Variants in SRPK2 observed in about 807,000 individuals in gnomAD.
SRPK2 encodes SFRS protein kinase 2.
SRPK2 carries 21 observed loss-of-function variants against 90.8 expected under a neutral mutation model. That is an observed-to-expected ratio of 0.23 (90% CI 0.16 to 0.33). The LOEUF is 0.33. SRPK2 is among the 10% of genes least tolerant of loss of function. SRPK2 has a pLI of 1.00. For missense variants in SRPK2, 620 were observed against 869.0 expected (o/e 0.71, Z 3.60); for synonymous variants, 288 against 311.1 (o/e 0.93, Z 0.78).
At chr7:105,258,623 C>A (rs141611948) in intron 2 of SRPK2, among the ~76,000 whole-genome samples, 1 of 151,978 alleles carries the variant, frequency 6.6e-6, no homozygotes, top group Non-Finnish European at 1.5e-5. Flanking sequence ...AACACTGATG[C>A]GAAAATCCTC....
At chr7:105,245,298 G>C (rs1304221639) in intron 2 of SRPK2, among the ~76,000 whole-genome samples, 4 of 152,132 alleles carry the variant, frequency 2.6e-5, no homozygotes, top group Admixed American at 2.6e-4. Context: ...CAGTGGGATG[G>C]TAAGGGCAGC....
At chr7:105,376,401 T>C (rs1020413324) in intron 2 of SRPK2, among the ~76,000 whole-genome samples, 2 of 151,746 alleles carry the variant, frequency 1.3e-5, no homozygotes, top group African/African-American at 4.8e-5. Context: ...CCCCATCCCA[T>C]CCCTATCCAT....
chr7:105,359,714 C>G (rs1818213343), intron 2 of SRPK2, among the ~76,000 whole-genome samples: 2 of 152,262 alleles, frequency 1.3e-5, no homozygotes, highest in African/African-American at 4.8e-5. Flanking sequence ...TTCTCACAAT[C>G]CACATCTGGA....
intron 3 of SRPK2, among the ~76,000 whole-genome samples, chr7:105,196,138 T>C (rs1480850829): frequency 1.3e-5 from 2 of 152,230 alleles, no homozygotes; most frequent in Admixed American, 6.5e-5. Context: ...TTGGTCTCCA[T>C]AAAAGAAATG....
chr7:105,228,617 G>C (rs1799020942), intron 2 of SRPK2, among the ~76,000 whole-genome samples: 1 of 151,376 alleles, frequency 6.6e-6, no homozygotes, highest in Non-Finnish European at 1.5e-5. Flanking sequence ...GCGGAACTAA[G>C]AGAGCAGTGT....
rs749102424 is a variant in SRPK2, at chr7:105,350,128, A to ATT, written c.71+38518_71+38519dup. Among the ~76,000 whole-genome samples, 63 of 133,610 alleles carry ATT rather than the reference A, an allele frequency of 4.7e-4. 1 individual carries two copies. Among genetic ancestry groups the ATT allele is most frequent in the African/African-American group, 1.4e-3 (51 of 36,930 alleles). 87.7% of individuals were successfully genotyped at this position (133,610 alleles called of 152,430 possible). On this transcript the variant is annotated intron_variant, in intron 2 of 15. Transcript: ENST00000393651. ...TCACAATAACCCTGTAGTTGCTATA[A>ATT]TTTTTTTTTTTTTTTTTTGGAGACA...
chr7:105,394,145 C>CT (rs746514839), upstream of SRPK2, among the ~76,000 whole-genome samples: 1,031 of 139,878 alleles, frequency 7.4e-3, 5 homozygotes, highest in African/African-American at 0.02. Flanking sequence ...TTCTTTCTTT[C>CT]TTTTTTTTTT....
At chr7:105,384,101 T>C (rs1238188547) in intron 2 of SRPK2, among the ~76,000 whole-genome samples, 2 of 152,344 alleles carry the variant, frequency 1.3e-5, no homozygotes, top group Middle Eastern at 3.4e-3. Flanking sequence ...AGGTAAATTT[T>C]ATGGTATGTG....
At chr7:105,159,466 A>AAAAAAAAAAAAAAAAAAAAAAAAAAC (rs1316365933) in intron 7 of SRPK2, among the ~76,000 whole-genome samples, 70 of 114,302 alleles carry the variant, frequency 6.1e-4, no homozygotes, top group Non-Finnish European at 1.1e-3. Context: ...AAAAAAAAAA[A>AAAAAAAAAAAAAAAAAAAAAAAAAAC]AAAAAAACCG....
intron 3 of SRPK2, among the ~76,000 whole-genome samples, chr7:105,171,752 C>T (rs1399373300): frequency 6.6e-6 from 1 of 152,144 alleles, no homozygotes; most frequent in Non-Finnish European, 1.5e-5. Context: ...TGTATGACAA[C>T]ATTTTGGGCT....
chr7:105,132,023 C>A (rs1396491052), intron 13 of SRPK2, among the ~76,000 whole-genome samples: 1 of 152,146 alleles, frequency 6.6e-6, no homozygotes, highest in Non-Finnish European at 1.5e-5. Context: ...GGTTCAGGGT[C>A]AATGACCAAA....
intron 2 of SRPK2, among the ~76,000 whole-genome samples, chr7:105,314,097 G>A (rs554007251): frequency 4.7e-4 from 72 of 152,120 alleles, no homozygotes; most frequent in Middle Eastern, 6.8e-3. Flanking sequence ...TTTGGGAGGC[G>A]AGGCTGGCCG....
intron 2 of SRPK2, chr7:105,297,443 T>C (rs1585596133): frequency 1.0e-6 from 1 of 985,142 alleles, no homozygotes; most frequent in East Asian, 1.1e-4. Flanking sequence ...TTGCATATTT[T>C]TCAAAACACA....
chr7:105,208,973 A>AT (rs1006555670), intron 2 of SRPK2, among the ~76,000 whole-genome samples: 3 of 151,764 alleles, frequency 2.0e-5, no homozygotes, highest in African/African-American at 7.3e-5. Context: ...ACAACAATAA[A>AT]TTTTTAAAAA....
chr7:105,200,731 A>T (rs1036846328), intron 3 of SRPK2, among the ~76,000 whole-genome samples: 31 of 152,340 alleles, frequency 2.0e-4, no homozygotes, highest in African/African-American at 7.0e-4. Context: ...GGCATCCCAA[A>T]TTGAGAAACA....
chr7:105,370,128 C>A (rs1328575334), intron 2 of SRPK2, among the ~76,000 whole-genome samples: 1 of 152,156 alleles, frequency 6.6e-6, no homozygotes, highest in Non-Finnish European at 1.5e-5. Context: ...AATGACAGCA[C>A]CTGGTGACCA....
chr7:105,124,065 G>A (rs1488976744), intron 15 of SRPK2, among the ~76,000 whole-genome samples: 1 of 152,222 alleles, frequency 6.6e-6, no homozygotes, highest in Non-Finnish European at 1.5e-5. Context: ...CTGTCTCAGG[G>A]AGCAAGGTTG....
At chr7:105,375,983 CTTTTT>C (rs34445430) in intron 2 of SRPK2, among the ~76,000 whole-genome samples, 45 of 63,172 alleles carry the variant, frequency 7.1e-4, no homozygotes, top group Middle Eastern at 0.015. Context: ...GAATTCATTT[CTTTTT>C]TTTTTTTTTT....
At chr7:105,170,916 G>GA (rs1790920120) in intron 3 of SRPK2, among the ~76,000 whole-genome samples, 5 of 66,178 alleles carry the variant, frequency 7.6e-5, no homozygotes, top group African/African-American at 2.7e-4. Flanking sequence ...AGAAAGAAAG[G>GA]AGAAAGAAAA....
Sources: gnomAD v4.1 joint callset for allele counts (sites outside exome capture counted in the v4.1 genomes callset) on GRCh38, gnomAD v4.1.1 for gene constraint, MANE v1.5 for transcripts, NCBI Gene and HGNC (gene_info 2026-07-23, HGNC 2026-07-21) for gene names.